The following ATG7 variants were observed in gnomAD, a reference collection of about 807,000 sequenced individuals.
ATG7 encodes ubiquitin-like modifier-activating enzyme ATG7.
A neutral mutation model predicts 82.4 loss-of-function variants in ATG7; 70 were observed. The ratio of observed to expected loss-of-function variants is 0.85; its 90% CI spans 0.70 to 1.04. The LOEUF is 1.04. Among genes scored for constraint, ATG7 ranks in the 50% least tolerant of loss-of-function variants. The probability of loss-of-function intolerance (pLI) is 0.00; values close to 1 mark genes in which losing one functional copy is unlikely to be tolerated. For synonymous variants in ATG7, 287 were observed against 313.0 expected, an observed-to-expected ratio of 0.92 and a Z score of 0.88; for missense variants, 792 against 864.3, an observed-to-expected ratio of 0.92 and a Z score of 1.05.
chr3:11,436,580 G>A (rs1257557617), intron 20 of ATG7, among the ~76,000 whole-genome samples: 1 of 152,084 alleles, frequency 6.6e-6, no homozygotes, highest in Non-Finnish European at 1.5e-5. Flanking sequence ...CCAGAGAAAT[G>A]AAAATGTGCA....
At chr3:11,303,291 G>A (rs1947082731) in intron 5 of ATG7, among the ~76,000 whole-genome samples, 1 of 152,148 alleles carries the variant, frequency 6.6e-6, no homozygotes, top group African/African-American at 2.4e-5. Flanking sequence ...CAGCTAAAAC[G>A]TTATGTGTGC....
the ATG7 span, among the ~76,000 whole-genome samples, chr3:11,567,700 G>A: frequency 2.0e-5 from 3 of 152,214 alleles, no homozygotes; most frequent in African/African-American, 4.8e-5. Flanking sequence ...CGGAACGGAC[G>A]TCAGGCCAAG....
intron 17 of ATG7, 75 bp from the exon 18 acceptor site, chr3:11,364,584 A>G (rs1163750047): frequency 4.7e-6 from 7 of 1,505,320 alleles, no homozygotes; most frequent in Non-Finnish European, 6.5e-6. Flanking sequence ...AATCTTATGT[A>G]GATTTCTGCT....
downstream of ATG7, among the ~76,000 whole-genome samples, chr3:11,559,039 G>A (rs1211185987): frequency 1.3e-5 from 2 of 152,220 alleles, no homozygotes; most frequent in Non-Finnish European, 2.9e-5. Context: ...CACTGGGCCA[G>A]AGTCCGAGTT....
intron 1 of ATG7, among the ~76,000 whole-genome samples, chr3:11,278,421 T>C (rs1255873569): frequency 1.3e-5 from 2 of 152,224 alleles, no homozygotes; most frequent in Non-Finnish European, 1.5e-5. Context: ...CAATTTATGT[T>C]TCTCTGCTGC....
chr3:11,538,677 TAAAAAAAAAAA>T (rs560029572), intron 20 of ATG7, among the ~76,000 whole-genome samples: 1 of 47,640 alleles, frequency 2.1e-5, no homozygotes, highest in Non-Finnish European at 3.3e-5. Flanking sequence ...ACTCCGTCTC[TAAAAAAAAAAA>T]AAAAAAAAAA....
At chr3:11,482,102 C>T (rs974198681) in intron 20 of ATG7, among the ~76,000 whole-genome samples, 1 of 152,160 alleles carries the variant, frequency 6.6e-6, no homozygotes, top group African/African-American at 2.4e-5. Context: ...CTCCTGATGC[C>T]CCGGTTCCTT....
chr3:11,311,469 A>G (rs1948654945), intron 7 of ATG7, among the ~76,000 whole-genome samples: 3 of 151,944 alleles, frequency 2.0e-5, no homozygotes, highest in African/African-American at 2.4e-5. Context: ...TTAGCTGTGC[A>G]TGGCAGCCTG....
intron 20 of ATG7, among the ~76,000 whole-genome samples, chr3:11,545,411 G>T (rs547588693): frequency 9.2e-5 from 14 of 152,312 alleles, no homozygotes; most frequent in African/African-American, 3.1e-4. Flanking sequence ...TGTGGGCATC[G>T]AGAGCCTGCG....
intron 19 of ATG7, among the ~76,000 whole-genome samples, chr3:11,400,890 A>G (rs901285218): frequency 3.9e-5 from 6 of 152,262 alleles, no homozygotes; most frequent in Non-Finnish European, 8.8e-5. Context: ...AGGGGAATGA[A>G]TTTTTTTACC....
intron 19 of ATG7, among the ~76,000 whole-genome samples, chr3:11,412,635 C>T (rs975958288): frequency 6.6e-6 from 1 of 152,066 alleles, no homozygotes; most frequent in Non-Finnish European, 1.5e-5. Flanking sequence ...AGCTTTGCTC[C>T]TCTTCTTCAA....
At chr3:11,551,761 T>C (rs1425274759) in intron 20 of ATG7, among the ~76,000 whole-genome samples, 1 of 151,754 alleles carries the variant, frequency 6.6e-6, no homozygotes, top group Non-Finnish European at 1.5e-5. Context: ...TTCTTTTTTT[T>C]TTCTCGAGGC....
At chr3:11,469,406 G>GCC (rs2087173898) in intron 20 of ATG7, among the ~76,000 whole-genome samples, 2 of 151,700 alleles carry the variant, frequency 1.3e-5, no homozygotes, top group South Asian at 4.2e-4. Context: ...CTGAGATCGT[G>GCC]CCACTGCACT....
At chr3:11,456,024 T>C (rs921911146) in intron 20 of ATG7, among the ~76,000 whole-genome samples, 6 of 152,214 alleles carry the variant, frequency 3.9e-5, no homozygotes, top group African/African-American at 1.4e-4. Context: ...TTCAAAAATA[T>C]ACAGTTCAAT....
chr3:11,415,690 A>C (rs1310609622), intron 19 of ATG7, among the ~76,000 whole-genome samples: 1 of 152,006 alleles, frequency 6.6e-6, no homozygotes, highest in Non-Finnish European at 1.5e-5. Flanking sequence ...GAAGGTCTTC[A>C]GGGGCAATAA....
At chr3:11,280,482 C>G (rs1221424271) in intron 1 of ATG7, among the ~76,000 whole-genome samples, 4 of 152,204 alleles carry the variant, frequency 2.6e-5, no homozygotes, top group Non-Finnish European at 5.9e-5. Context: ...CTCTCTGGCT[C>G]ATGAACCTAT....
intron 20 of ATG7, among the ~76,000 whole-genome samples, chr3:11,462,388 C>A (rs899532243): frequency 1.3e-5 from 2 of 152,100 alleles, no homozygotes; most frequent in Non-Finnish European, 2.9e-5. Context: ...GCACACCATG[C>A]AGGTCCACAG....
chr3:11,296,729 T>C (rs1221826811), intron 3 of ATG7, among the ~76,000 whole-genome samples: 1 of 152,198 alleles, frequency 6.6e-6, no homozygotes, highest in African/African-American at 2.4e-5. Flanking sequence ...TGTCCCTATT[T>C]CTGCCATGAG....
rs1351992827 is a variant in ATG7 at position 11,556,743 on chromosome 3, G to A, written c.*1900G>A. The A allele has an allele frequency of 6.6e-6, 1 of 152,522 alleles. No individual in the cohort carries two copies. The highest frequency in any genetic ancestry group is 2.4e-5 in the African/African-American group (1 of 41,304). The allele number at this position is 152,522 out of a possible 1,614,324, so 9.4% of individuals were successfully genotyped here. On this transcript the variant is annotated 3_prime_UTR_variant, in exon 21 of 21. Transcript: ENST00000693202. ...ACAAATTTCTCTGTACATTCTTTAC[G>A]CACAGCGTAACGATGGTCTCAAAAT... is the stretch of plus-strand genomic sequence containing the variant.
Sources: allele counts gnomAD v4.1 joint callset (sites outside exome capture counted in the v4.1 genomes callset), GRCh38; gene constraint gnomAD v4.1.1; transcripts MANE v1.5; gene names NCBI Gene and HGNC (gene_info 2026-07-23, HGNC 2026-07-21).